The following SMARCC2 variants were observed in gnomAD, a reference collection of about 807,000 sequenced individuals.
SMARCC2 encodes the protein SWI/SNF related BAF chromatin remodeling complex subunit C2, also known as SWI/SNF complex subunit SMARCC2.
In SMARCC2, 15 loss-of-function variants were observed where a neutral mutation model predicts 151.3. The observed-to-expected ratio is 0.10, with a 90% confidence interval of 0.07 to 0.15. The LOEUF is 0.15. SMARCC2 is among the 10% of genes least tolerant of loss of function. SMARCC2 has a pLI of 1.00. For synonymous variants in SMARCC2, 590 were observed against 609.5 expected (o/e 0.97, Z 0.47); for missense variants, 1,031 against 1,599.7 (o/e 0.64, Z 6.06).
Position 56,180,490 on chromosome 12 carries a change from A to G in SMARCC2, c.1081+487T>C, listed in dbSNP as rs551579855. 3.5e-3 allele frequency among the ~76,000 whole-genome samples: 504 copies of G among 143,336 alleles called. 5 individuals carry two copies. The highest frequency in any genetic ancestry group is 0.013 in the African/African-American group (486 of 38,094). The allele number at this position is 143,336 out of a possible 152,430, so 94.0% of individuals were successfully genotyped here. ...ACAATCTCGGCTCCCTGCAACCTCT[A>G]CCTCCCAGGTTCAAGCAATTCTCCT... On this transcript the variant is annotated intron_variant, in intron 11 of 28. Coordinates refer to ENST00000550164, the MANE Select transcript of SMARCC2 (RefSeq NM_001330288.2).
At chr12:56,167,332 G>C (rs923462199) in intron 26 of SMARCC2, among the ~76,000 whole-genome samples, 1 of 152,140 alleles carries the variant, frequency 6.6e-6, no homozygotes, top group Non-Finnish European at 1.5e-5. Flanking sequence ...TGGGCAACAA[G>C]AGCGAAACTC....
At position 56,174,781 on chromosome 12, in the gene SMARCC2, A is replaced by G; in HGVS notation, c.1383-17T>C. The G allele has an allele frequency of 6.7e-7, 1 of 1,488,242 alleles. No homozygotes were observed. The highest frequency in any genetic ancestry group is 9.4e-7 in the Non-Finnish European group (1 of 1,066,376). 92.2% of individuals were successfully genotyped at this position (1,488,242 alleles called of 1,614,324 possible). On this transcript the variant is annotated splice_polypyrimidine_tract_variant and intron_variant, in intron 15 of 28. Coordinates refer to ENST00000550164, the MANE Select transcript of SMARCC2 (RefSeq NM_001330288.2). Reference sequence around the variant, plus strand: ...GCCAGGTAGCTTAGAAGAAAGAGAGAGAGAAACAAGAAGAAGAAAAATAAA... The same window carrying G: ...GCCAGGTAGCTTAGAAGAAAGAGAGGGAGAAACAAGAAGAAGAAAAATAAA...
chr12:56,182,090 A>T lies in SMARCC2; in HGVS notation c.633-11T>A, dbSNP rs1291023320. 1.9e-6 allele frequency: 3 copies of T among 1,599,934 alleles called. No homozygotes were observed. The African/African-American group carries it at 4.0e-5, about 21-fold the overall frequency. ...ATCCACGTGTCGTAACTGCCATGGG[A>T]AATTGAGCACACAGTAGAATCAATG... On this transcript the variant is annotated splice_polypyrimidine_tract_variant and intron_variant, in intron 7 of 28. Coordinates refer to ENST00000550164, the MANE Select transcript of SMARCC2 (RefSeq NM_001330288.2).
chr12:56,169,186 T>A (rs917438444), intron 25 of SMARCC2, among the ~76,000 whole-genome samples: 9 of 151,962 alleles, frequency 5.9e-5, no homozygotes, highest in Non-Finnish European at 1.3e-4. Context: ...TCCCAGCTAC[T>A]CGGGAGGCTG....
chr12:56,165,043 C>G (rs1872531182), intron 27 of SMARCC2, among the ~76,000 whole-genome samples: 1 of 152,194 alleles, frequency 6.6e-6, no homozygotes, highest in Non-Finnish European at 1.5e-5. Context: ...ATTTCGGCCT[C>G]CCAAAGAATA....
chr12:56,182,388 G>A (rs543140767), intron 7 of SMARCC2, among the ~76,000 whole-genome samples: 10 of 150,394 alleles, frequency 6.6e-5, no homozygotes, highest in South Asian at 4.2e-4. Flanking sequence ...GCAGTGGCGC[G>A]ATCTCGGCTC....
At chr12:56,186,490 A>G in intron 2 of SMARCC2, 1 of 461,226 alleles carries the variant, frequency 2.2e-6, no homozygotes, top group Non-Finnish European at 3.9e-6. Context: ...AGCTGGCATT[A>G]CAGGCATGAG....
chr12:56,164,158 C>T (rs1872318127), intron 28 of SMARCC2, 145 bp downstream of exon 28: 2 of 778,490 alleles, frequency 2.6e-6, no homozygotes, highest in Admixed American at 5.9e-5. Flanking sequence ...CAGAGAGGCC[C>T]TTCCTCCTGT....
intron 11 of SMARCC2, among the ~76,000 whole-genome samples, chr12:56,180,055 C>T (rs550826338): frequency 6.6e-6 from 1 of 152,094 alleles, no homozygotes; most frequent in African/African-American, 2.4e-5. Flanking sequence ...TAAAACGTTC[C>T]CATGGTAGCG....
intron 5 of SMARCC2, 193 bp downstream of exon 5, chr12:56,184,650 AC>A (rs1876879242): frequency 3.4e-6 from 2 of 587,086 alleles, no homozygotes; most frequent in Non-Finnish European, 6.1e-6. Flanking sequence ...AGTAATGCAA[AC>A]CTGTCAGGAC....
chr12:56,165,329 G>C lies in SMARCC2; in HGVS notation c.3221C>G (p.Pro1074Arg), dbSNP rs749820075. The C allele has an allele frequency of 4.8e-6, 7 of 1,462,722 alleles. No individual in the cohort carries two copies. Among genetic ancestry groups the C allele is most frequent in the Admixed American group, 2.5e-5 (1 of 39,842 alleles). The allele number at this position is 1,462,722 out of a possible 1,614,324, so 90.6% of individuals were successfully genotyped here. A position where few individuals can be genotyped will look rare whatever the true frequency, so the allele number is the denominator to read the frequency against. Reference protein sequence around the residue: ...PGAVPPGVPPPGPHGPSPFPN... With the variant: ...PGAVPPGVPPRGPHGPSPFPN... ...AACATAACACTTACCATGGGGTCCA[G>C]GGGGGGGAACCCCTGGTGGGACTGC... Residue 1074 changes from proline to arginine, a missense_variant, in exon 27 of 29, where the codon CCT (proline) becomes CGT (arginine). Physicochemically the swap from Pro to Arg is moderately radical, Grantham distance 103. Around this residue, in one of 12 missense-constraint regions of SMARCC2, gnomAD observed 310 missense variants for 350.0 expected, o/e 0.89. Coordinates refer to ENST00000550164, the MANE Select transcript of SMARCC2 (RefSeq NM_001330288.2).
chr12:56,172,390 T>C (rs1874113903), intron 20 of SMARCC2, 38 bp downstream of exon 20: 6 of 1,524,832 alleles, frequency 3.9e-6, no homozygotes, highest in Non-Finnish European at 5.3e-6. Context: ...CCCACTTCTG[T>C]TTTCAGAGAA....
chr12:56,170,072 T>C lies in SMARCC2; in HGVS notation c.2412+72A>G, dbSNP rs1047299410. The C allele has an allele frequency of 9.4e-6, 14 of 1,492,264 alleles. No individual in the cohort carries two copies. The African/African-American group carries it at 1.8e-4, about 19-fold the overall frequency. The allele number at this position is 1,492,264 out of a possible 1,614,324, so 92.4% of individuals were successfully genotyped here. A position where few individuals can be genotyped will look rare whatever the true frequency, so the allele number is the denominator to read the frequency against. ...AAAACCAGCCCTTGCCCACCTAAGC[T>C]GAACAAGGCCAACTTCCCCATCACC... On this transcript the variant is annotated intron_variant, in intron 23 of 28. Transcript: ENST00000550164.
chr12:56,182,086 T>C lies in SMARCC2; in HGVS notation c.633-7A>G, dbSNP rs1876325088. The C allele has an allele frequency of 1.2e-6, 2 of 1,606,346 alleles. No individual in the cohort carries two copies. The highest frequency in any genetic ancestry group is 1.7e-4 in the Middle Eastern group (1 of 6,030). ...TGGGATCCACGTGTCGTAACTGCCA[T>C]GGGAAATTGAGCACACAGTAGAATC... On this transcript the variant is annotated splice_polypyrimidine_tract_variant and splice_region_variant and intron_variant, in intron 7 of 28. Coordinates refer to ENST00000550164, the MANE Select transcript of SMARCC2 (RefSeq NM_001330288.2).
chr12:56,177,226 G>C (rs1875196347), intron 15 of SMARCC2, among the ~76,000 whole-genome samples: 1 of 152,152 alleles, frequency 6.6e-6, no homozygotes, highest in African/African-American at 2.4e-5. Context: ...TTACAGGCGT[G>C]AGCCACCACA....
At chr12:56,173,264 G>T (rs778727498) in intron 17 of SMARCC2, among the ~76,000 whole-genome samples, 4 of 152,084 alleles carry the variant, frequency 2.6e-5, no homozygotes, top group Non-Finnish European at 5.9e-5. Flanking sequence ...TCCTAGATTT[G>T]GTACTCTGTG....
At chr12:56,174,441 C>T (rs1874550081) in intron 16 of SMARCC2, 3 of 479,994 alleles carry the variant, frequency 6.3e-6, no homozygotes, top group African/African-American at 5.8e-5. Context: ...TACAGACATG[C>T]TCCTTCTTTG....
chr12:56,180,319 C>T (rs1875923781), intron 11 of SMARCC2, among the ~76,000 whole-genome samples: 1 of 151,600 alleles, frequency 6.6e-6, no homozygotes, highest in South Asian at 2.1e-4. Context: ...CCATGTTAGC[C>T]AGGATGGTCT....
chr12:56,172,509 C>G lies in SMARCC2; in HGVS notation c.1864-19G>C, dbSNP rs773510070. ...CCTTGCTCTGCAGGGGAAACACAGG[C>G]AGGTGAGAAGAAAGGAGCCTGTGAC... On this transcript the variant is annotated intron_variant, in intron 19 of 28. Coordinates refer to ENST00000550164, the MANE Select transcript of SMARCC2 (RefSeq NM_001330288.2). The G allele has an allele frequency of 6.2e-7, 1 of 1,606,736 alleles. No individual in the cohort carries two copies. The highest frequency in any genetic ancestry group is 1.1e-5 in the South Asian group (1 of 90,582).
Sources: allele counts gnomAD v4.1 joint callset (sites outside exome capture counted in the v4.1 genomes callset), GRCh38; gene constraint gnomAD v4.1.1; regional missense constraint gnomAD v4.1.1; transcripts MANE v1.5; gene names NCBI Gene and HGNC (gene_info 2026-07-23, HGNC 2026-07-21).